Variants in ZBTB7C observed in about 807,000 individuals in gnomAD.
ZBTB7C encodes zinc finger and BTB domain-containing protein 7C.
In ZBTB7C, 8 loss-of-function variants were observed where a neutral mutation model predicts 25.7. The observed-to-expected ratio is 0.31, with a 90% confidence interval of 0.18 to 0.56. The LOEUF is 0.56. Among genes scored for constraint, ZBTB7C ranks in the 20% least tolerant of loss-of-function variants. The pLI is 0.91. For synonymous variants in ZBTB7C, 394 were observed against 369.0 expected, an observed-to-expected ratio of 1.07 and a Z score of -0.78; for missense variants, 824 against 855.2, an observed-to-expected ratio of 0.96 and a Z score of 0.46.
chr18:48,029,358 A>C lies in ZBTB7C; in HGVS notation c.1762T>G (p.Tyr588Asp). ...LAENVAAARP[Y>D]FPLPDPWAAG... is the part of the protein sequence containing the mutation. ...GCCCAAGGGTCGGGCAGCGGGAAGTAGGGCCGCGCCGCCGCCACGTTCTCG... is the reference window on the plus strand; with the variant it reads ...GCCCAAGGGTCGGGCAGCGGGAAGTCGGGCCGCGCCGCCGCCACGTTCTCG... Residue 588 changes from tyrosine to aspartate, a missense_variant, in exon 5 of 5, where the codon TAC (tyrosine) becomes GAC (aspartate). Physicochemically the swap from Tyr to Asp is radical, Grantham distance 160. Transcript: ENST00000590800. 6.5e-7 allele frequency: 1 copy of C among 1,545,598 alleles called. No individual in the cohort carries two copies. Among genetic ancestry groups the C allele is most frequent in the South Asian group, 1.2e-5 (1 of 85,156 alleles).
intron 2 of ZBTB7C, among the ~76,000 whole-genome samples, chr18:48,281,912 A>G (rs2044865271): frequency 7.0e-6 from 1 of 142,800 alleles, no homozygotes; most frequent in Admixed American, 6.8e-5. Context: ...GCGATTCCTC[A>G]GGGATCTAGA....
intron 1 of ZBTB7C, among the ~76,000 whole-genome samples, chr18:48,351,246 G>A (rs1231466163): frequency 2.6e-5 from 4 of 152,008 alleles, no homozygotes; most frequent in African/African-American, 4.8e-5. Context: ...TGCTGCCCCC[G>A]TGTTTATTCC....
At chr18:48,153,809 G>C (rs1462136463) in intron 3 of ZBTB7C, among the ~76,000 whole-genome samples, 2 of 152,196 alleles carry the variant, frequency 1.3e-5, no homozygotes, top group Non-Finnish European at 2.9e-5. Context: ...AAATGTTCTT[G>C]ACAGGTTCGA....
chr18:48,116,145 A>C (rs968341301), intron 3 of ZBTB7C, among the ~76,000 whole-genome samples: 1 of 151,924 alleles, frequency 6.6e-6, no homozygotes, highest in Non-Finnish European at 1.5e-5. Flanking sequence ...CCCCAAGGAC[A>C]GTGGCACAAA....
intron 3 of ZBTB7C, among the ~76,000 whole-genome samples, chr18:48,105,567 A>G (rs1159958567): frequency 6.6e-6 from 1 of 152,028 alleles, no homozygotes; most frequent in Admixed American, 6.5e-5. Context: ...ATGCCCCTGG[A>G]GGGGGTACTG....
intron 3 of ZBTB7C, chr18:48,076,962 C>T (rs2037788434): frequency 3.0e-6 from 3 of 985,130 alleles, no homozygotes; most frequent in South Asian, 9.4e-5. Flanking sequence ...TCCATAATGT[C>T]CTACATGTTT....
chr18:48,317,929 G>C (rs191759639), intron 2 of ZBTB7C, among the ~76,000 whole-genome samples: 1 of 148,702 alleles, frequency 6.7e-6, no homozygotes, highest in Non-Finnish European at 1.5e-5. Flanking sequence ...GAGACAGCTC[G>C]CCCGACATTC....
chr18:48,299,941 C>T lies in ZBTB7C; in HGVS notation c.-79+38233G>A, dbSNP rs1424001176. 2.0e-5 allele frequency among the ~76,000 whole-genome samples: 3 copies of T among 152,274 alleles called. No individual in the cohort carries two copies. In the East Asian group the frequency reaches 5.8e-4, roughly 29 times the overall value. On this transcript the variant is annotated intron_variant, in intron 2 of 4. Transcript: ENST00000590800. ...ATAAGCTAAGGGAATCCTCAAAGAC[C>T]ACTTACAGGGCAAAAGCAGAGCTCC...
At chr18:48,340,381 T>C (rs1171684127) in intron 1 of ZBTB7C, among the ~76,000 whole-genome samples, 1 of 152,146 alleles carries the variant, frequency 6.6e-6, no homozygotes, top group East Asian at 1.9e-4. Context: ...CCACCTCTAG[T>C]CAACAGAAGA....
intron 1 of ZBTB7C, among the ~76,000 whole-genome samples, chr18:48,397,599 C>A (rs1440477983): frequency 6.6e-6 from 1 of 152,150 alleles, no homozygotes; most frequent in Non-Finnish European, 1.5e-5. Flanking sequence ...GTCACACATA[C>A]AAAGTGCCTG....
chr18:48,207,431 G>T (rs1426311795), intron 2 of ZBTB7C, among the ~76,000 whole-genome samples: 2 of 152,064 alleles, frequency 1.3e-5, no homozygotes, highest in Non-Finnish European at 2.9e-5. Context: ...ACAATAAAAT[G>T]GGTAAAAAAA....
chr18:48,214,450 G>A (rs1245179558), intron 2 of ZBTB7C, among the ~76,000 whole-genome samples: 1 of 134,736 alleles, frequency 7.4e-6, no homozygotes, highest in Admixed American at 7.3e-5. Context: ...GTTCAAACAT[G>A]TTGGCAGGAC....
rs8095073 is a variant in ZBTB7C, at chr18:48,367,254, T to C, written c.-303-28856A>G. Among the ~76,000 whole-genome samples, 694 of 119,478 alleles carry C rather than the reference T, an allele frequency of 5.8e-3. 4 individuals carry two copies. The highest frequency in any genetic ancestry group is 9.3e-3 in the African/African-American group (298 of 31,958). The allele number at this position is 119,478 out of a possible 152,430, so 78.4% of individuals were successfully genotyped here. A position where few individuals can be genotyped will look rare whatever the true frequency, so the allele number is the denominator to read the frequency against. ...ACACATACATACACACACACACACATATATAGTATATATGTATATGTATAT... is the reference window on the plus strand; with the variant it reads ...ACACATACATACACACACACACACACATATAGTATATATGTATATGTATAT... On this transcript the variant is annotated intron_variant, in intron 1 of 4. Transcript: ENST00000590800.
chr18:48,038,756 G>T (rs2036085551), intron 4 of ZBTB7C, among the ~76,000 whole-genome samples: 1 of 152,180 alleles, frequency 6.6e-6, no homozygotes, highest in Non-Finnish European at 1.5e-5. Context: ...CTCTCAAGGT[G>T]AGTTCTCTGA....
chr18:48,370,731 C>T (rs937825368), intron 1 of ZBTB7C, among the ~76,000 whole-genome samples: 5 of 152,192 alleles, frequency 3.3e-5, no homozygotes, highest in Non-Finnish European at 5.9e-5. Context: ...CAAACTCACA[C>T]ACACACTGCC....
Position 48,028,539 on chromosome 18 carries a change from G to C in ZBTB7C, c.*721C>G, listed in dbSNP as rs754885981. On this transcript the variant is annotated 3_prime_UTR_variant, in exon 5 of 5. Coordinates refer to ENST00000590800, the MANE Select transcript of ZBTB7C (RefSeq NM_001318841.2). The stretch of plus-strand genomic sequence containing the variant: ...GGAGTACAAAGCTTCTACCATCTCT[G>C]TGATTCTCTGGGGGGATAGGTGTGT... The C allele has an allele frequency of 1.3e-5, 2 of 152,232 alleles. No homozygotes were observed. Among genetic ancestry groups the C allele is most frequent in the Non-Finnish European group, 2.9e-5 (2 of 68,060 alleles). The allele number at this position is 152,232 out of a possible 1,614,324, so 9.4% of individuals were successfully genotyped here.
chr18:48,277,793 A>G (rs1185857756), intron 2 of ZBTB7C, among the ~76,000 whole-genome samples: 1 of 151,980 alleles, frequency 6.6e-6, no homozygotes, highest in Non-Finnish European at 1.5e-5. Context: ...GGAACAACAG[A>G]GTTCTAGGAT....
intron 2 of ZBTB7C, among the ~76,000 whole-genome samples, chr18:48,263,431 G>A (rs1007832367): frequency 2.0e-5 from 3 of 152,192 alleles, no homozygotes; most frequent in South Asian, 4.1e-4. Flanking sequence ...GCAGCCACTC[G>A]TCCAGACATC....
intron 3 of ZBTB7C, among the ~76,000 whole-genome samples, chr18:48,141,693 T>C (rs2040355658): frequency 6.6e-6 from 1 of 152,200 alleles, no homozygotes; most frequent in Non-Finnish European, 1.5e-5. Flanking sequence ...TAACACAGGC[T>C]ACACTTGTCA....
Sources: allele counts gnomAD v4.1 joint callset (sites outside exome capture counted in the v4.1 genomes callset), GRCh38; gene constraint gnomAD v4.1.1; transcripts MANE v1.5; gene names NCBI Gene and HGNC (gene_info 2026-07-23, HGNC 2026-07-21).